TXNDC16: variants seen among roughly 807,000 people sequenced by gnomAD.
TXNDC16 encodes thioredoxin domain-containing protein 16.
TXNDC16 carries 74 observed loss-of-function variants against 85.6 expected under a neutral mutation model. The observed-to-expected ratio is 0.86, with a 90% CI of 0.72 to 1.05. TXNDC16 has a LOEUF of 1.05. Ranked by LOEUF, TXNDC16 falls within the 50% of genes least tolerant of loss-of-function variation. TXNDC16 has a pLI of 0.00. For missense variants in TXNDC16, 959 were observed against 947.0 expected, an observed-to-expected ratio of 1.01 and a Z score of -0.17; for synonymous variants, 335 against 326.5, an observed-to-expected ratio of 1.03 and a Z score of -0.28.
intron 18 of TXNDC16, 106 bp from the exon 19 acceptor site, chr14:52,440,830 A>C: frequency 9.9e-7 from 1 of 1,008,478 alleles, no homozygotes; most frequent in Non-Finnish European, 1.4e-6. Flanking sequence ...GTAAAATGTA[A>C]TTCAAACACA....
At chr14:52,551,425 AACTGTCACT>A (rs2038043681) in intron 1 of TXNDC16, among the ~76,000 whole-genome samples, 3 of 151,228 alleles carry the variant, frequency 2.0e-5, no homozygotes, top group South Asian at 4.2e-4. Flanking sequence ...GTTTGTAGTG[AACTGTCACT>A]ACAGCCTGGG....
chr14:52,519,064 T>C, intron 7 of TXNDC16, 108 bp downstream of exon 7: 1 of 1,158,372 alleles, frequency 8.6e-7, no homozygotes, highest in Non-Finnish European at 1.2e-6. Context: ...ATGCTTTAGA[T>C]TTATTTTAAA....
chr14:52,459,752 T>A (rs961857397), intron 16 of TXNDC16, among the ~76,000 whole-genome samples: 18 of 152,142 alleles, frequency 1.2e-4, no homozygotes, highest in African/African-American at 3.9e-4. Context: ...GGATGCAAGG[T>A]TAGTTCAACA....
At chr14:52,518,664 G>A (rs2037140108) in intron 7 of TXNDC16, among the ~76,000 whole-genome samples, 1 of 151,350 alleles carries the variant, frequency 6.6e-6, no homozygotes, top group Non-Finnish European at 1.5e-5. Flanking sequence ...CTCTATCTTT[G>A]CTCCTTCCAA....
In TXNDC16 at chr14:52,536,773, T is replaced by A; in HGVS notation, c.338A>T (p.Glu113Val). 6.2e-7 allele frequency: 1 copy of A among 1,611,520 alleles called. No homozygotes were observed. Among genetic ancestry groups the A allele is most frequent in the Non-Finnish European group, 8.5e-7 (1 of 1,178,550 alleles). ...ATCAAACAAGGTGTCAGTAGGGAAT[T>A]CTCTGAGCAATATGTTGCCCCTATA... The part of the protein sequence containing the change: ...YLFKGNILLR[E>V]FPTDTLFDVN... The change falls in exon 6 of 21, where the codon GAA (glutamate) becomes GTA (valine). Residue 113 changes from glutamate (E) to valine (V), a missense_variant. By Grantham distance (121) the Glu-to-Val change is moderately radical. Transcript: ENST00000281741.
chr14:52,460,435 T>A (rs1020571260), intron 16 of TXNDC16, among the ~76,000 whole-genome samples: 1 of 152,144 alleles, frequency 6.6e-6, no homozygotes, highest in Non-Finnish European at 1.5e-5. Context: ...ATTTCAAAAA[T>A]CGTATGAAAG....
chr14:52,539,425 C>A (rs1364875747), intron 4 of TXNDC16, among the ~76,000 whole-genome samples: 2 of 152,282 alleles, frequency 1.3e-5, no homozygotes, highest in East Asian at 3.9e-4. Context: ...TAAGAACGAA[C>A]TGAACAAAGT....
Position 52,482,834 on chromosome 14 carries a change from A to G in TXNDC16, c.1240T>C (p.Phe414Leu). Reference protein sequence around the residue: ...TVMASDSIVLFYAGWQAVSMA... With the variant: ...TVMASDSIVLLYAGWQAVSMA... ...GGCTCATACTCACAACCAGCATAGA[A>G]GAGTACTATGCTGTCAGAAGCCATC... Residue 414 changes from phenylalanine to leucine, a missense_variant, in exon 13 of 21, where the codon TTC becomes CTC. Phe to Leu is a conservative substitution (Grantham distance 22, BLOSUM62 0). Transcript: ENST00000281741. 6.2e-7 allele frequency: 1 copy of G among 1,608,898 alleles called. No homozygotes were observed. The highest frequency in any genetic ancestry group is 8.5e-7 in the Non-Finnish European group (1 of 1,178,384).
chr14:52,518,375 C>T (rs1281867019), intron 7 of TXNDC16, among the ~76,000 whole-genome samples: 1 of 152,170 alleles, frequency 6.6e-6, no homozygotes, highest in East Asian at 1.9e-4. Flanking sequence ...AAGTGAATTC[C>T]AAGAGCTTCC....
At chr14:52,501,467 C>T (rs1337206824) in intron 9 of TXNDC16, among the ~76,000 whole-genome samples, 2 of 152,142 alleles carry the variant, frequency 1.3e-5, no homozygotes, top group Non-Finnish European at 2.9e-5. Context: ...AACCCAGAAA[C>T]CCAGGCTAAT....
In TXNDC16 at chr14:52,525,744, T is replaced by TAATAAA. The variant is rs1388745451; in HGVS notation, c.393-6452_393-6451insTTTATT. ...ATAATAATAATAATAATAATAATAA[T>TAATAAA]AAATAAAAATTTGTTGTTACTTTCC... On this transcript the variant is annotated intron_variant, in intron 6 of 20. Transcript: ENST00000281741. Among the ~76,000 whole-genome samples the TAATAAA allele has an allele frequency of 7.4e-3, 774 of 105,058 alleles. 3 individuals are homozygous for TAATAAA. The highest frequency in any genetic ancestry group is 0.02 in the African/African-American group (607 of 30,972). The allele number at this position is 105,058 out of a possible 152,430, so 68.9% of individuals were successfully genotyped here. A position where few individuals can be genotyped will look rare whatever the true frequency, so the allele number is the denominator to read the frequency against.
Position 52,470,014 on chromosome 14 carries a change from T to G in TXNDC16, c.1618+23A>C, listed in dbSNP as rs748473781. 2 of 1,590,850 alleles carry G rather than the reference T, an allele frequency of 1.3e-6. 1 individual carries two copies. Among genetic ancestry groups the G allele is most frequent in the Non-Finnish European group, 1.7e-6 (2 of 1,172,822 alleles). On this transcript the variant is annotated intron_variant, in intron 16 of 20. Transcript: ENST00000281741. ...AGCAATGATATACTCTACTGTATAA[T>G]TTAAAAGCTCAGCTCTGCTTACCTG...
At chr14:52,510,884 T>C (rs952485540) in intron 9 of TXNDC16, among the ~76,000 whole-genome samples, 1 of 152,196 alleles carries the variant, frequency 6.6e-6, no homozygotes, top group Non-Finnish European at 1.5e-5. Flanking sequence ...AGGTCTTTTC[T>C]TAGCCATGAT....
At chr14:52,507,682 A>C (rs2036845153) in intron 9 of TXNDC16, among the ~76,000 whole-genome samples, 1 of 152,232 alleles carries the variant, frequency 6.6e-6, no homozygotes, top group African/African-American at 2.4e-5. Flanking sequence ...GGCTACAGTA[A>C]CCAAAACAGC....
At chr14:52,443,954 T>C (rs1248964161) in intron 18 of TXNDC16, among the ~76,000 whole-genome samples, 1 of 151,770 alleles carries the variant, frequency 6.6e-6, no homozygotes, top group Non-Finnish European at 1.5e-5. Context: ...GTTATGGGTA[T>C]GGATAAAATT....
chr14:52,507,761 A>G (rs149033226), intron 9 of TXNDC16, among the ~76,000 whole-genome samples: 1,744 of 152,358 alleles, frequency 0.011, 100 homozygotes, highest in Admixed American at 0.098. Flanking sequence ...ATAATGCCGC[A>G]TATCTATAAG....
At chr14:52,442,141 C>T (rs1174585570) in intron 18 of TXNDC16, among the ~76,000 whole-genome samples, 2 of 152,124 alleles carry the variant, frequency 1.3e-5, no homozygotes, top group Non-Finnish European at 2.9e-5. Context: ...CTGTCAGTAA[C>T]AAGAATTGGA....
chr14:52,538,936 A>G (rs1293257302), intron 4 of TXNDC16, among the ~76,000 whole-genome samples: 3 of 152,212 alleles, frequency 2.0e-5, no homozygotes, highest in African/African-American at 7.2e-5. Context: ...ATAACCAAAA[A>G]GTAAATTTTA....
At chr14:52,452,528 G>T (rs780997438) in intron 18 of TXNDC16, among the ~76,000 whole-genome samples, 1 of 152,048 alleles carries the variant, frequency 6.6e-6, no homozygotes, top group African/African-American at 2.4e-5. Flanking sequence ...AAATAAATCT[G>T]TACATCTACA....
Sources: allele counts gnomAD v4.1 joint callset (sites outside exome capture counted in the v4.1 genomes callset), GRCh38; gene constraint gnomAD v4.1.1; transcripts MANE v1.5; gene names NCBI Gene and HGNC (gene_info 2026-07-23, HGNC 2026-07-21).